Variants in THSD1 observed in about 807,000 individuals in gnomAD.
THSD1 encodes the protein thrombospondin type-1 domain-containing protein 1.
A neutral mutation model predicts 46.3 loss-of-function variants in THSD1; 34 were observed. The ratio of observed to expected loss-of-function variants is 0.74; its 90% confidence interval spans 0.56 to 0.98. THSD1 has a LOEUF of 0.98. THSD1 is among the 50% of genes least tolerant of loss of function. The pLI is 0.00. For missense variants in THSD1, 1,023 were observed against 1,058.3 expected (o/e 0.97, Z 0.46); for synonymous variants, 407 against 416.5 (o/e 0.98, Z 0.28).
At chr13:52,385,448 A>AGTAT (rs201772909) in intron 4 of THSD1, among the ~76,000 whole-genome samples, 5,900 of 152,300 alleles carry the variant, frequency 0.039, 136 homozygotes, top group South Asian at 0.069. Context: ...ACCAGCTACG[A>AGTAT]GTATGTGCCT....
At chr13:52,393,778 T>C (rs1252636384) in intron 3 of THSD1, among the ~76,000 whole-genome samples, 1 of 152,032 alleles carries the variant, frequency 6.6e-6, no homozygotes, top group Non-Finnish European at 1.5e-5. Flanking sequence ...ATGGTACCAT[T>C]TGGCAAAAAA....
chr13:52,403,000 T>C, intron 1 of THSD1: 1 of 939,980 alleles, frequency 1.1e-6, no homozygotes, highest in South Asian at 4.9e-5. Flanking sequence ...TTATCAAAGT[T>C]AATAGCCAAT....
In THSD1 at chr13:52,377,588, C is replaced by T; in HGVS notation, c.2382G>A (p.Gln794=). 1.2e-6 allele frequency: 2 copies of T among 1,601,852 alleles called. No homozygotes were observed. The highest frequency in any genetic ancestry group is 1.7e-6 in the Non-Finnish European group (2 of 1,171,816). ...AGCTTTGACACTTGTCTTTTCTACA[C>T]TGAGAAGGGCTCAGAGAACTGACCC... ...YQRVSSLSPS[Q]CRKDKCQSFP... is the part of the protein sequence containing the mutation. Residue 794 remains glutamine (Q), a synonymous_variant, in exon 5 of 5, where the codon CAG becomes CAA. Coordinates refer to ENST00000258613, the MANE Select transcript of THSD1 (RefSeq NM_018676.4).
intron 3 of THSD1, among the ~76,000 whole-genome samples, chr13:52,394,658 A>C (rs568253468): frequency 6.6e-6 from 1 of 152,256 alleles, no homozygotes; most frequent in Non-Finnish European, 1.5e-5. Flanking sequence ...AATTCTTTCA[A>C]CCTAATTGTT....
chr13:52,392,190 CAAAAAAAAA>C (rs368671089), intron 3 of THSD1, among the ~76,000 whole-genome samples: 1 of 69,752 alleles, frequency 1.4e-5, no homozygotes, highest in African/African-American at 6.4e-5. Context: ...AGACTCCTCT[CAAAAAAAAA>C]AAAAAAAAAA....
At chr13:52,387,962 C>T (rs7987115) in intron 3 of THSD1, among the ~76,000 whole-genome samples, 76,835 of 151,830 alleles carry the variant, frequency 0.51, 21,562 homozygotes, top group Middle Eastern at 0.66. Context: ...GCTCAGAAAA[C>T]ACCATGCAGG....
chr13:52,387,155 C>T (rs1259525244), intron 3 of THSD1, among the ~76,000 whole-genome samples: 1 of 152,124 alleles, frequency 6.6e-6, no homozygotes, highest in Non-Finnish European at 1.5e-5. Context: ...CAGGCTCACA[C>T]CTAAAGCTGA....
At chr13:52,384,688 G>A (rs1424439327) in intron 4 of THSD1, among the ~76,000 whole-genome samples, 5 of 152,172 alleles carry the variant, frequency 3.3e-5, no homozygotes, top group Non-Finnish European at 7.3e-5. Flanking sequence ...ATTCATCTGA[G>A]TGTTATGGAA....
Position 52,377,381 on chromosome 13 carries a change from A to C in THSD1, c.*30T>G. Reference sequence around the variant, plus strand: ...CTACAAAACGCGAGTAGCAGACCCCAGCTGTGTAAAGCTCAGGCTGATTCT... The same window carrying C: ...CTACAAAACGCGAGTAGCAGACCCCCGCTGTGTAAAGCTCAGGCTGATTCT... On this transcript the variant is annotated 3_prime_UTR_variant, in exon 5 of 5. Coordinates refer to ENST00000258613, the MANE Select transcript of THSD1 (RefSeq NM_018676.4). The C allele has an allele frequency of 6.5e-7, 1 of 1,527,308 alleles. No homozygotes were observed. The highest frequency in any genetic ancestry group is 8.8e-7 in the Non-Finnish European group (1 of 1,133,374). 94.6% of individuals were successfully genotyped at this position (1,527,308 alleles called of 1,614,324 possible).
Position 52,397,583 on chromosome 13 carries a change from G to C in THSD1, c.670C>G (p.Arg224Gly), listed in dbSNP as rs9536062. The C allele has an allele frequency of 0.051, 81,661 of 1,614,074 alleles. 2,340 individuals carry two copies. Among genetic ancestry groups the C allele is most frequent in the African/African-American group, 0.087 (6,518 of 74,996 alleles). The stretch of plus-strand genomic sequence containing the variant: ...CCTGTGGAGGTAATGACTGAGTCTC[G>C]CCCAAGCAGCTTCAGCACCACGGTG... The part of the protein sequence containing the change: ...YVTVVLKLLG[R>G]DSVITSTGPI... The change falls in exon 3 of 5, where the codon CGA becomes GGA. Residue 224 changes from arginine to glycine, a missense_variant. Physicochemically the swap from Arg to Gly is moderately radical, Grantham distance 125. Around this residue, in one of 3 missense-constraint regions of THSD1, gnomAD observed 429 missense variants for 518.3 expected, o/e 0.83. Transcript: ENST00000258613.
chr13:52,379,206 G>A (rs1024920704), intron 4 of THSD1, among the ~76,000 whole-genome samples: 1 of 152,020 alleles, frequency 6.6e-6, no homozygotes, highest in Non-Finnish European at 1.5e-5. Context: ...CGGTTTTAAG[G>A]TCTCTGAGTC....
At chr13:52,380,865 C>T (rs1336259111) in intron 4 of THSD1, among the ~76,000 whole-genome samples, 2 of 152,112 alleles carry the variant, frequency 1.3e-5, no homozygotes, top group African/African-American at 2.4e-5. Flanking sequence ...TTGCCAACCA[C>T]CGTTCTACTC....
chr13:52,404,436 C>T (rs1311845126), intron 1 of THSD1, among the ~76,000 whole-genome samples: 5 of 152,092 alleles, frequency 3.3e-5, no homozygotes, highest in African/African-American at 1.2e-4. Context: ...TACTGTACTT[C>T]CTGAAAGGGA....
chr13:52,377,443 T>C lies in THSD1; in HGVS notation c.2527A>G (p.Ser843Gly). Residue 843 changes from serine (S) to glycine (G), a missense_variant, in exon 5 of 5, where the codon AGT (serine) becomes GGT (glycine). Transcript: ENST00000258613. ...FGSNEEDETT[S>G]TLSVEKLVI ...ACCAGCTTCTCCACGCTAAGTGTAC[T>C]TGTGGTTTCATCCTCTTCATTTGAC... is the stretch of plus-strand genomic sequence containing the variant. 2.6e-6 allele frequency: 4 copies of C among 1,543,574 alleles called. No homozygotes were observed. Among genetic ancestry groups the C allele is most frequent in the Non-Finnish European group, 3.5e-6 (4 of 1,140,024 alleles).
At chr13:52,398,433 C>T in intron 2 of THSD1, 4 of 723,358 alleles carry the variant, frequency 5.5e-6, no homozygotes, top group Non-Finnish European at 6.8e-6. Flanking sequence ...CCACACCCAG[C>T]TAATTTTCTT....
At chr13:52,389,484 G>T (rs1375941975) in intron 3 of THSD1, among the ~76,000 whole-genome samples, 1 of 151,650 alleles carries the variant, frequency 6.6e-6, no homozygotes, top group Non-Finnish European at 1.5e-5. Flanking sequence ...AGATAAAAAA[G>T]CACAATCCAA....
intron 3 of THSD1, among the ~76,000 whole-genome samples, chr13:52,392,190 C>CAAAAAAAAAAAAA (rs368671089): frequency 4.3e-5 from 3 of 69,698 alleles, no homozygotes; most frequent in Non-Finnish European, 7.7e-5. Flanking sequence ...AGACTCCTCT[C>CAAAAAAAAAAAAA]AAAAAAAAAA....
At position 52,399,610 on chromosome 13, in the gene THSD1, T is replaced by TTC. The variant is rs201537037; in HGVS notation, c.59-1418_59-1417dup. Among the ~76,000 whole-genome samples, 1,355 of 152,314 alleles carry TTC rather than the reference T, an allele frequency of 8.9e-3. 18 individuals are homozygous for TTC. The highest frequency in any genetic ancestry group is 0.031 in the African/African-American group (1,295 of 41,564). On this transcript the variant is annotated intron_variant, in intron 2 of 4. Coordinates refer to ENST00000258613, the MANE Select transcript of THSD1 (RefSeq NM_018676.4). ...TTAATTAGCACAGCATTTCACCTAGTTCTCATTTGAGATGAGGTGAAATAA... is the reference window on the plus strand; with the variant it reads ...TTAATTAGCACAGCATTTCACCTAGTTCTCTCATTTGAGATGAGGTGAAATAA...
At chr13:52,381,374 C>T (rs1345436826) in intron 4 of THSD1, among the ~76,000 whole-genome samples, 1 of 152,206 alleles carries the variant, frequency 6.6e-6, no homozygotes, top group Non-Finnish European at 1.5e-5. Flanking sequence ...TGCCCCTGCG[C>T]AGTCACAGCA....
Sources: allele counts gnomAD v4.1 joint callset (sites outside exome capture counted in the v4.1 genomes callset), GRCh38; gene constraint gnomAD v4.1.1; regional missense constraint gnomAD v4.1.1; transcripts MANE v1.5; gene names NCBI Gene and HGNC (gene_info 2026-07-23, HGNC 2026-07-21).